The following CCDC47 variants were observed in gnomAD, a reference collection of about 807,000 sequenced individuals.
CCDC47 encodes PAT complex subunit CCDC47.
A neutral mutation model predicts 60.5 loss-of-function variants in CCDC47; 41 were observed. The observed-to-expected ratio is 0.68, with a 90% CI of 0.53 to 0.88. CCDC47 has a LOEUF of 0.88. CCDC47 is among the 40% of genes least tolerant of loss of function. CCDC47 has a pLI of 0.00. For missense variants in CCDC47, 513 were observed against 580.9 expected (o/e 0.88, Z 1.20); for synonymous variants, 195 against 190.7 (o/e 1.02, Z -0.18).
At chr17:63,751,633 T>C (rs2039166179) in intron 12 of CCDC47, 1 of 528,698 alleles carries the variant, frequency 1.9e-6, no homozygotes, top group Non-Finnish European at 3.3e-6. Flanking sequence ...CTGCCTTCTA[T>C]TAAAATTTCT....
intron 4 of CCDC47, 180 bp from the exon 5 acceptor site, chr17:63,761,531 A>AAAAAG: frequency 6.5e-6 from 3 of 464,668 alleles, no homozygotes; most frequent in Non-Finnish European, 1.1e-5. Flanking sequence ...AAAAAAAAAA[A>AAAAAG]AAAAAATTAT....
chr17:63,751,365 C>CAAAA lies in CCDC47; in HGVS notation c.1371+571_1371+574dup, dbSNP rs59161342. ...TGGGTGACAGAGTGAGACTCCATCT[C>CAAAA]AAAAAAAAAAAAAAAAAAAAAAAAA... On this transcript the variant is annotated intron_variant, in intron 12 of 12. Transcript: ENST00000225726. Among the ~76,000 whole-genome samples the CAAAA allele has an allele frequency of 9.1e-4, 27 of 29,510 alleles. 7 individuals carry two copies. The East Asian group carries it at 0.017, about 19-fold the overall frequency. The allele number at this position is 29,510 out of a possible 152,430, so 19.4% of individuals were successfully genotyped here.
intron 6 of CCDC47, among the ~76,000 whole-genome samples, chr17:63,759,558 T>A (rs1298887290): frequency 0.092 from 4,059 of 44,298 alleles, 1,153 homozygotes; most frequent in Non-Finnish European, 0.11. Context: ...TATATATATA[T>A]ATATATATAT....
In CCDC47 at chr17:63,764,794, TTCA is replaced by T. The variant is rs779380540; in HGVS notation, c.315_317del (p.Tyr105_Glu106delinsTer). The T allele has an allele frequency of 6.2e-7, 1 of 1,613,698 alleles. No homozygotes were observed. The highest frequency in any genetic ancestry group is 8.5e-7 in the Non-Finnish European group (1 of 1,179,940). Reference sequence around the variant, plus strand: ...TGCTAGAAGAAGTATCTGGTTTGTCTTCATAACCTTCAAATTCTTCATCATCAT... The same window carrying T: ...TGCTAGAAGAAGTATCTGGTTTGTCTTAACCTTCAAATTCTTCATCATCAT... On this transcript the variant is annotated stop_gained and inframe_deletion, in exon 3 of 13. Transcript: ENST00000225726. LOFTEE classifies it high-confidence loss of function.
At chr17:63,765,045 G>T in intron 2 of CCDC47, 198 bp from the exon 3 acceptor site, 1 of 794,658 alleles carries the variant, frequency 1.3e-6, no homozygotes, top group Non-Finnish European at 1.5e-6. Flanking sequence ...CTAATGTGCA[G>T]CAAGGTGACT....
intron 1 of CCDC47, 37 bp from the exon 2 acceptor site, chr17:63,766,231 T>C: frequency 1.3e-6 from 2 of 1,556,258 alleles, no homozygotes; most frequent in Non-Finnish European, 1.7e-6. Context: ...GGATTGCCAT[T>C]CTATACATAC....
chr17:63,750,061 C>T (rs529670991), intron 12 of CCDC47, among the ~76,000 whole-genome samples: 2 of 152,220 alleles, frequency 1.3e-5, no homozygotes, highest in South Asian at 4.1e-4. Context: ...GATCTTTTTA[C>T]AAGGTGCCCA....
Position 63,764,155 on chromosome 17 carries a change from A to G in CCDC47, c.408T>C (p.Tyr136=), listed in dbSNP as rs1297301394. 6.2e-7 allele frequency: 1 copy of G among 1,611,916 alleles called. No homozygotes were observed. The highest frequency in any genetic ancestry group is 8.5e-7 in the Non-Finnish European group (1 of 1,179,434). The part of the protein sequence containing the change: ...PAHLQNSWES[Y]YLEILMVTGL... Reference sequence around the variant, plus strand: ...CAGTCACCATCAAAATTTCTAGATAATAACTCTCCCAGCTGTTCTGGAGGT... The same window carrying G: ...CAGTCACCATCAAAATTTCTAGATAGTAACTCTCCCAGCTGTTCTGGAGGT... Residue 136 remains tyrosine (Y), a synonymous_variant, in exon 4 of 13, where the codon TAT becomes TAC. Coordinates refer to ENST00000225726, the MANE Select transcript of CCDC47 (RefSeq NM_020198.3).
intron 6 of CCDC47, among the ~76,000 whole-genome samples, chr17:63,759,360 G>A (rs1331790740): frequency 6.7e-6 from 1 of 148,736 alleles, no homozygotes; most frequent in East Asian, 2.0e-4. Flanking sequence ...ATGGTGGCAG[G>A]CGCCTGTAAT....
intron 4 of CCDC47, chr17:63,762,338 G>T: frequency 2.9e-6 from 2 of 690,594 alleles, no homozygotes; most frequent in Non-Finnish European, 3.6e-6. Flanking sequence ...GAAATACTAT[G>T]GTATAGTGGA....
At position 63,745,354 on chromosome 17, in the gene CCDC47, G is replaced by A. The variant is rs763225950; in HGVS notation, c.*1527C>T. 6.6e-6 allele frequency: 1 copy of A among 152,520 alleles called. No individual in the cohort carries two copies. Among genetic ancestry groups the A allele is most frequent in the Non-Finnish European group, 1.5e-5 (1 of 68,028 alleles). The allele number at this position is 152,520 out of a possible 1,614,324, so 9.4% of individuals were successfully genotyped here. ...TCCAAATGTATGGGACTTTAGGAAA[G>A]CTTTTCTTACTCAAAAGATAACTAA... On this transcript the variant is annotated 3_prime_UTR_variant, in exon 13 of 13. Coordinates refer to ENST00000225726, the MANE Select transcript of CCDC47 (RefSeq NM_020198.3).
chr17:63,762,303 G>T, intron 4 of CCDC47: 1 of 930,116 alleles, frequency 1.1e-6, no homozygotes, highest in South Asian at 5.0e-5. Context: ...ATTTTTTTTC[G>T]AATTTCCTGG....
chr17:63,764,987 A>G, intron 2 of CCDC47, 140 bp from the exon 3 acceptor site: 1 of 1,420,694 alleles, frequency 7.0e-7, no homozygotes, highest in Non-Finnish European at 9.1e-7. Context: ...GTTTTTAACA[A>G]AACGATTGGG....
intron 12 of CCDC47, among the ~76,000 whole-genome samples, chr17:63,749,414 A>G (rs2039145290): frequency 6.7e-6 from 1 of 149,764 alleles, no homozygotes. Context: ...AAAACAAAAC[A>G]AAACAAGTGG....
chr17:63,767,591 T>C (rs2039306265), intron 1 of CCDC47, among the ~76,000 whole-genome samples: 1 of 152,112 alleles, frequency 6.6e-6, no homozygotes, highest in Admixed American at 6.6e-5. Context: ...ATGTCATAAC[T>C]CACTGTAACC....
chr17:63,769,574 T>C (rs907009192), intron 1 of CCDC47, among the ~76,000 whole-genome samples: 12 of 145,434 alleles, frequency 8.3e-5, no homozygotes, highest in Admixed American at 2.1e-4. Flanking sequence ...GACAGCGCCA[T>C]TGCAGTCCAG....
intron 9 of CCDC47, chr17:63,753,382 G>A (rs1273662121): frequency 4.7e-6 from 1 of 212,676 alleles, no homozygotes; most frequent in Non-Finnish European, 8.1e-6. Context: ...ACTGTCCTCA[G>A]TGCCACTGAG....
chr17:63,759,204 T>C lies in CCDC47; in HGVS notation c.735+1710A>G, dbSNP rs181545228. On this transcript the variant is annotated intron_variant, in intron 6 of 12. Coordinates refer to ENST00000225726, the MANE Select transcript of CCDC47 (RefSeq NM_020198.3). ...AAATGAGATCTTTAAAATATAACAG[T>C]GGGGCTGGGTGCAGTGACTCTTGCC... Among the ~76,000 whole-genome samples, 571 of 151,768 alleles carry C rather than the reference T, an allele frequency of 3.8e-3. 6 individuals are homozygous for C. The highest frequency in any genetic ancestry group is 0.012 in the Admixed American group (187 of 15,202).
chr17:63,769,888 AAC>A (rs1045741310), intron 1 of CCDC47, among the ~76,000 whole-genome samples: 3 of 152,066 alleles, frequency 2.0e-5, no homozygotes, highest in Admixed American at 2.0e-4. Context: ...GGTTTAGAAA[AAC>A]ATACATTTAC....
Sources: allele counts gnomAD v4.1 joint callset (sites outside exome capture counted in the v4.1 genomes callset), GRCh38; gene constraint gnomAD v4.1.1; transcripts MANE v1.5; gene names NCBI Gene and HGNC (gene_info 2026-07-23, HGNC 2026-07-21).